The following STAG1 variants were observed in gnomAD, a reference collection of about 807,000 sequenced individuals.
STAG1 encodes cohesin subunit SA-1.
Under a neutral mutation model 170.9 loss-of-function variants are expected in STAG1, and 26 were observed. The ratio of observed to expected loss-of-function variants is 0.15; its 90% CI spans 0.11 to 0.21. The LOEUF is 0.21. Ranked by LOEUF, STAG1 falls within the 10% of genes least tolerant of loss-of-function variation. The probability of loss-of-function intolerance (pLI) is 1.00; values close to 1 mark genes in which losing one functional copy is unlikely to be tolerated. For missense variants in STAG1, 964 were observed against 1,509.5 expected, an observed-to-expected ratio of 0.64 and a Z score of 5.99; for synonymous variants, 514 against 497.7, an observed-to-expected ratio of 1.03 and a Z score of -0.44.
At chr3:136,618,994 T>C (rs1038515792) in intron 3 of STAG1, among the ~76,000 whole-genome samples, 11 of 152,154 alleles carry the variant, frequency 7.2e-5, no homozygotes, top group African/African-American at 2.4e-4. Flanking sequence ...TATCTCTGCA[T>C]ATGTCATAAA....
chr3:136,522,974 G>A (rs1349701186), intron 6 of STAG1, among the ~76,000 whole-genome samples: 1 of 152,100 alleles, frequency 6.6e-6, no homozygotes, highest in African/African-American at 2.4e-5. Flanking sequence ...ATCATTGATG[G>A]ACATGTGGGT....
chr3:136,751,780 G>A (rs1353321845), intron 1 of STAG1, among the ~76,000 whole-genome samples: 1 of 150,334 alleles, frequency 6.7e-6, no homozygotes, highest in Non-Finnish European at 1.5e-5. Context: ...CGGCCCCGCT[G>A]GGCGCGGGCG....
chr3:136,722,807 T>A lies in STAG1; in HGVS notation c.-84+29388A>T, dbSNP rs551768267. Among the ~76,000 whole-genome samples, 558 of 152,174 alleles carry A rather than the reference T, an allele frequency of 3.7e-3. 3 individuals carry two copies. Among genetic ancestry groups the A allele is most frequent in the African/African-American group, 0.013 (532 of 41,546 alleles). ...AGCCTCCCTGCCTGATTCTCCTGCC[T>A]CAGCCTGCCGAGTGCCTGCGATTGC... On this transcript the variant is annotated intron_variant, in intron 1 of 33. Transcript: ENST00000383202.
chr3:136,594,400 C>G (rs1938324829), intron 4 of STAG1, among the ~76,000 whole-genome samples: 1 of 152,168 alleles, frequency 6.6e-6, no homozygotes, highest in Admixed American at 6.5e-5. Flanking sequence ...AATGTCTGAT[C>G]ACAATTTCTA....
intron 1 of STAG1, among the ~76,000 whole-genome samples, chr3:136,690,312 T>C (rs1053537515): frequency 1.3e-5 from 2 of 152,112 alleles, no homozygotes; most frequent in Admixed American, 6.5e-5. Flanking sequence ...TCTCAGCACT[T>C]TGCAACCTCC....
At chr3:136,625,612 T>C (rs1438412474) in intron 2 of STAG1, among the ~76,000 whole-genome samples, 3 of 152,204 alleles carry the variant, frequency 2.0e-5, no homozygotes, top group Admixed American at 1.3e-4. Flanking sequence ...TAAACTCGAA[T>C]TGATAGAATG....
chr3:136,534,733 G>A (rs551876966), intron 6 of STAG1, among the ~76,000 whole-genome samples: 1 of 152,192 alleles, frequency 6.6e-6, no homozygotes, highest in Admixed American at 6.5e-5. Context: ...TATTATTAAA[G>A]AGAAGAAAAA....
Position 136,580,860 on chromosome 3 carries a change from T to C in STAG1, c.298-11999A>G, listed in dbSNP as rs114641718. On this transcript the variant is annotated intron_variant, in intron 4 of 33. Transcript: ENST00000383202. ...TTGTATAATTCTTAAATCTAAGTTT[T>C]TCACCAAATTTTTTTCTCATTGAAT... is the stretch of plus-strand genomic sequence containing the variant. 3.5e-3 allele frequency among the ~76,000 whole-genome samples: 540 copies of C among 152,254 alleles called. 6 individuals are homozygous for C. The highest frequency in any genetic ancestry group is 0.012 in the African/African-American group (516 of 41,546).
At chr3:136,534,082 G>C (rs1935506498) in intron 6 of STAG1, among the ~76,000 whole-genome samples, 2 of 152,124 alleles carry the variant, frequency 1.3e-5, no homozygotes. Context: ...GAACAGAATA[G>C]ATAACCCAGA....
Position 136,732,903 on chromosome 3 carries a change from C to T in STAG1, c.-84+19292G>A, listed in dbSNP as rs139849780. Reference sequence around the variant, plus strand: ...GATTACAGGCTTGAGCCACCACGCTCGGCCTCATTAATAAAGTTTTAATCT... The same window carrying T: ...GATTACAGGCTTGAGCCACCACGCTTGGCCTCATTAATAAAGTTTTAATCT... On this transcript the variant is annotated intron_variant, in intron 1 of 33. Coordinates refer to ENST00000383202, the MANE Select transcript of STAG1 (RefSeq NM_005862.3). Among the ~76,000 whole-genome samples, 883 of 151,560 alleles carry T rather than the reference C, an allele frequency of 5.8e-3. 9 individuals carry two copies. The highest frequency in any genetic ancestry group is 0.02 in the African/African-American group (823 of 41,326).
chr3:136,415,127 G>C (rs190307754), intron 21 of STAG1, among the ~76,000 whole-genome samples: 96 of 152,146 alleles, frequency 6.3e-4, no homozygotes, highest in African/African-American at 2.3e-3. Flanking sequence ...ATGTGACACA[G>C]AAACACTAAG....
At chr3:136,667,467 G>A (rs532960962) in intron 1 of STAG1, among the ~76,000 whole-genome samples, 1 of 152,298 alleles carries the variant, frequency 6.6e-6, no homozygotes, top group Non-Finnish European at 1.5e-5. Flanking sequence ...ACATAGGTAT[G>A]ATTATGAACA....
intron 22 of STAG1, among the ~76,000 whole-genome samples, chr3:136,389,032 C>T (rs957816126): frequency 6.6e-6 from 1 of 152,114 alleles, no homozygotes; most frequent in East Asian, 1.9e-4. Context: ...CTGGCCTCAA[C>T]CAATCCTCCT....
chr3:136,639,749 C>T (rs1272046508), intron 1 of STAG1, among the ~76,000 whole-genome samples: 1 of 152,170 alleles, frequency 6.6e-6, no homozygotes, highest in African/African-American at 2.4e-5. Flanking sequence ...TTCATATAAA[C>T]AAACATTGGC....
Position 136,369,163 on chromosome 3 carries a change from G to A in STAG1, c.2490C>T (p.Leu830=). The change falls in exon 24 of 34, where the codon CTC becomes CTT. Residue 830 remains leucine (L), a synonymous_variant. Transcript: ENST00000383202. ...NPDTGLQSEL[L]SFVMDHVFID... is the part of the protein sequence containing the mutation. ...TAAAAACGTGATCCATCACAAAACT[G>A]AGGAGTTCAGATTGGAGTCCAGTAT... 6.3e-7 allele frequency: 1 copy of A among 1,598,062 alleles called. No individual in the cohort carries two copies. Among genetic ancestry groups the A allele is most frequent in the Non-Finnish European group, 8.5e-7 (1 of 1,175,132 alleles).
chr3:136,518,356 A>T (rs890842870), intron 7 of STAG1: 1 of 700,932 alleles, frequency 1.4e-6, no homozygotes, highest in Non-Finnish European at 2.6e-6. Flanking sequence ...CCATGCACAT[A>T]GTCTTTGAAG....
At chr3:136,349,020 G>A (rs1936338767) in intron 29 of STAG1, 138 bp downstream of exon 29, 1 of 673,516 alleles carries the variant, frequency 1.5e-6, no homozygotes, top group Non-Finnish European at 2.5e-6. Flanking sequence ...CAACCTTTTT[G>A]CCTTAACATC....
At chr3:136,442,958 A>C (rs1025199924) in intron 15 of STAG1, among the ~76,000 whole-genome samples, 1 of 152,170 alleles carries the variant, frequency 6.6e-6, no homozygotes, top group African/African-American at 2.4e-5. Flanking sequence ...GCAGTGAGTT[A>C]TGACTGGGCC....
At chr3:136,405,221 GA>G (rs921663081) in intron 21 of STAG1, among the ~76,000 whole-genome samples, 1 of 123,630 alleles carries the variant, frequency 8.1e-6, no homozygotes, top group Non-Finnish European at 1.7e-5. Flanking sequence ...ATAAACACAT[GA>G]AAAAACCTCT....
Sources: allele counts gnomAD v4.1 joint callset (sites outside exome capture counted in the v4.1 genomes callset), GRCh38; gene constraint gnomAD v4.1.1; transcripts MANE v1.5; gene names NCBI Gene and HGNC (gene_info 2026-07-23, HGNC 2026-07-21).